The following KIAA1217 variants were observed in gnomAD, a reference collection of about 807,000 sequenced individuals.
KIAA1217 encodes the protein sickle tail protein homolog.
KIAA1217 carries 88 observed loss-of-function variants against 163.9 expected under a neutral mutation model. The observed-to-expected ratio is 0.54, with a 90% CI of 0.45 to 0.64. The LOEUF is 0.64. Among genes scored for constraint, KIAA1217 ranks in the 30% least tolerant of loss-of-function variants. KIAA1217 has a pLI of 0.00. For missense variants in KIAA1217, 2,372 were observed against 2,475.0 expected (o/e 0.96, Z 0.88); for synonymous variants, 903 against 923.1 (o/e 0.98, Z 0.39).
At chr10:23,718,413 G>A (rs1359181015) in intron 1 of KIAA1217, among the ~76,000 whole-genome samples, 2 of 152,156 alleles carry the variant, frequency 1.3e-5, no homozygotes, top group Non-Finnish European at 2.9e-5. Context: ...TGTGTCAGAG[G>A]GAAATATTGT....
chr10:24,469,754 G>C (rs2063305986), intron 5 of KIAA1217, among the ~76,000 whole-genome samples: 1 of 152,110 alleles, frequency 6.6e-6, no homozygotes, highest in African/African-American at 2.4e-5. Context: ...TAGGACTACA[G>C]GTGCATGCCA....
intron 1 of KIAA1217, among the ~76,000 whole-genome samples, chr10:23,862,829 C>T (rs1840017523): frequency 2.0e-5 from 3 of 151,988 alleles, no homozygotes. Flanking sequence ...GATATTCTAA[C>T]TGCTTTTCTG....
At chr10:23,958,844 G>A (rs1231839242) in intron 1 of KIAA1217, among the ~76,000 whole-genome samples, 7 of 151,430 alleles carry the variant, frequency 4.6e-5, no homozygotes, top group African/African-American at 1.2e-4. Context: ...TACTTTGGGC[G>A]TCAGTTTTTA....
intron 2 of KIAA1217, among the ~76,000 whole-genome samples, chr10:24,069,992 A>T (rs139274323): frequency 2.3e-4 from 35 of 152,268 alleles, no homozygotes; most frequent in African/African-American, 8.2e-4. Flanking sequence ...GGTACACACC[A>T]CCACAAATGG....
chr10:24,231,193 T>A (rs2071361087), intron 2 of KIAA1217, among the ~76,000 whole-genome samples: 1 of 152,150 alleles, frequency 6.6e-6, no homozygotes, highest in African/African-American at 2.4e-5. Context: ...CTGCCTGTAG[T>A]CCCAGCTACT....
chr10:23,827,260 A>G (rs1588898370), intron 1 of KIAA1217, among the ~76,000 whole-genome samples: 1 of 152,198 alleles, frequency 6.6e-6, no homozygotes, highest in Admixed American at 6.5e-5. Flanking sequence ...GATTCCAGTA[A>G]TTCAATGTGA....
intron 1 of KIAA1217, among the ~76,000 whole-genome samples, chr10:23,947,549 A>G (rs1041790006): frequency 6.6e-6 from 1 of 152,270 alleles, no homozygotes; most frequent in Admixed American, 6.5e-5. Context: ...TTTACATTTC[A>G]TAATCTTTCC....
intron 3 of KIAA1217, among the ~76,000 whole-genome samples, chr10:24,428,554 A>C (rs984976223): frequency 1.3e-5 from 2 of 152,182 alleles, no homozygotes; most frequent in African/African-American, 4.8e-5. Context: ...TAGGCTGGTT[A>C]CATCATCTAG....
chr10:24,406,680 T>C (rs1183307871), intron 3 of KIAA1217, among the ~76,000 whole-genome samples: 2 of 152,226 alleles, frequency 1.3e-5, no homozygotes, highest in African/African-American at 4.8e-5. Context: ...TCTGTTGTAC[T>C]TAAGATGACT....
At chr10:24,147,832 C>CAAAAAAAAAAAAAAAAAAA (rs1176106711) in intron 2 of KIAA1217, among the ~76,000 whole-genome samples, 16 of 20,772 alleles carry the variant, frequency 7.7e-4, no homozygotes, top group African/African-American at 1.0e-3. Flanking sequence ...TACTCTGTCT[C>CAAAAAAAAAAAAAAAAAAA]AAAAAAAAAA....
chr10:24,209,070 G>A (rs1414051489), upstream of KIAA1217: 3 of 719,660 alleles, frequency 4.2e-6, no homozygotes, highest in East Asian at 5.2e-5. Context: ...ATAGTTTGGG[G>A]TGGGGTTTCG....
chr10:24,225,045 T>C (rs2070315898), intron 2 of KIAA1217, among the ~76,000 whole-genome samples: 1 of 152,054 alleles, frequency 6.6e-6, no homozygotes. Context: ...CAGGATGGTC[T>C]CGATCTCCTG....
chr10:24,259,235 G>A (rs1269547142), intron 2 of KIAA1217, among the ~76,000 whole-genome samples: 2 of 152,104 alleles, frequency 1.3e-5, no homozygotes, highest in African/African-American at 4.8e-5. Context: ...CAAAATAGAT[G>A]TGGGCGGTTT....
intron 1 of KIAA1217, among the ~76,000 whole-genome samples, chr10:23,996,385 T>C (rs796318449): frequency 2.6e-5 from 4 of 152,148 alleles, no homozygotes; most frequent in African/African-American, 7.2e-5. Flanking sequence ...AGACAATTTC[T>C]CCATGTGGAA....
rs16923942 is a variant in KIAA1217, at chr10:23,833,694, A to C, written c.-321+138460A>C. Among the ~76,000 whole-genome samples the C allele has an allele frequency of 5.2e-3, 790 of 151,854 alleles. 11 individuals carry two copies. Among genetic ancestry groups the C allele is most frequent in the African/African-American group, 0.017 (713 of 41,442 alleles). ...TTTATTTTTATTTAACTTTTTTGGT[A>C]CTTAGGGCCTATTTCCATTCAATAT... On this transcript the variant is annotated intron_variant, in intron 1 of 18. Coordinates refer to the KIAA1217 transcript ENST00000376462.
At chr10:24,173,880 C>T (rs1477033339) in intron 2 of KIAA1217, among the ~76,000 whole-genome samples, 1 of 152,184 alleles carries the variant, frequency 6.6e-6, no homozygotes, top group Non-Finnish European at 1.5e-5. Context: ...GTCCAAATTG[C>T]AAAGTCCAAG....
At chr10:24,085,192 C>T (rs550494203) in intron 2 of KIAA1217, among the ~76,000 whole-genome samples, 3 of 152,094 alleles carry the variant, frequency 2.0e-5, no homozygotes, top group African/African-American at 7.2e-5. Flanking sequence ...GGGATTACCG[C>T]GTGAGCCACC....
In KIAA1217 at chr10:24,536,898, C is replaced by T. The variant is rs748278169; in HGVS notation, c.3534+5C>T. 9.9e-6 allele frequency: 16 copies of T among 1,613,440 alleles called. No homozygotes were observed. The highest frequency in any genetic ancestry group is 8.9e-5 in the East Asian group (4 of 44,870). On this transcript the variant is annotated splice_donor_5th_base_variant and intron_variant, in intron 17 of 20. Coordinates refer to ENST00000376454, the MANE Select transcript of KIAA1217 (RefSeq NM_019590.5). ...GTGCCACCCAAGGAGAAGAAGGTAA[C>T]GTGGCAACTGCACATTTGCCACACG...
At chr10:24,220,445 TC>T (rs1365454942) in intron 2 of KIAA1217, among the ~76,000 whole-genome samples, 14 of 140,182 alleles carry the variant, frequency 1.0e-4, no homozygotes, top group African/African-American at 3.8e-4. Context: ...TTTCTGCTCT[TC>T]TTTTTTTTTT....
Sources: allele counts gnomAD v4.1 joint callset (sites outside exome capture counted in the v4.1 genomes callset), GRCh38; gene constraint gnomAD v4.1.1; transcripts MANE v1.5; gene names NCBI Gene and HGNC (gene_info 2026-07-23, HGNC 2026-07-21).